PSMA8: variants seen among roughly 807,000 people sequenced by gnomAD.
The protein encoded by PSMA8 is proteasome subunit alpha-type 8.
A neutral mutation model predicts 32.4 loss-of-function variants in PSMA8; 18 were observed. The ratio of observed to expected loss-of-function variants is 0.56; its 90% CI spans 0.38 to 0.82. The LOEUF is 0.82. Ranked by LOEUF, PSMA8 falls within the 40% of genes least tolerant of loss-of-function variation. The probability of loss-of-function intolerance (pLI) is 0.00; values close to 1 mark genes in which losing one functional copy is unlikely to be tolerated. For synonymous variants in PSMA8, 104 were observed against 98.1 expected (o/e 1.06, Z -0.36); for missense variants, 298 against 300.7 (o/e 0.99, Z 0.07).
At chr18:26,136,674 T>C (rs533876623) in intron 1 of PSMA8, among the ~76,000 whole-genome samples, 1 of 152,348 alleles carries the variant, frequency 6.6e-6, no homozygotes, top group Admixed American at 6.5e-5. Flanking sequence ...TATTGTACAG[T>C]ATTTACTATT....
Position 26,184,823 on chromosome 18 carries a change from A to G in PSMA8, c.660+5693A>G, listed in dbSNP as rs576345741. 2.7e-5 allele frequency among the ~76,000 whole-genome samples: 4 copies of G among 148,232 alleles called. 1 individual carries two copies. The East Asian group carries it at 8.2e-4, about 30-fold the overall frequency. ...TTTTGGCAGCCGGGCACAGTGGCTC[A>G]TGCATGTAATCCCAGTACTTTGGGA... On this transcript the variant is annotated intron_variant, in intron 6 of 6. Coordinates refer to ENST00000415576, the MANE Select transcript of PSMA8 (RefSeq NM_001025096.2).
chr18:26,144,578 A>G lies in PSMA8; in HGVS notation c.122A>G (p.Asn41Ser), dbSNP rs1023979010. 7 of 1,613,370 alleles carry G rather than the reference A, an allele frequency of 4.3e-6. No homozygotes were observed. Among genetic ancestry groups the G allele is most frequent in the African/African-American group, 1.3e-5 (1 of 75,030 alleles). The change falls in exon 2 of 7, where the codon AAT (asparagine) becomes AGT (serine). Residue 41 changes from asparagine to serine, a missense_variant. Coordinates refer to ENST00000415576, the MANE Select transcript of PSMA8 (RefSeq NM_001025096.2). ...TGACAGGTCGGAATTCGAGGTACCA[A>G]TATAGTTGTTCTTGGGGTAGAAAAA... ...GSTAVGIRGT[N>S]IVVLGVEKKS...
intron 2 of PSMA8, among the ~76,000 whole-genome samples, chr18:26,150,249 G>T (rs2055034741): frequency 6.6e-6 from 1 of 152,126 alleles, no homozygotes; most frequent in African/African-American, 2.4e-5. Flanking sequence ...ATATTTCAGA[G>T]CACTTGACTG....
chr18:26,169,119 A>G (rs1266942325), intron 4 of PSMA8, among the ~76,000 whole-genome samples: 2 of 132,186 alleles, frequency 1.5e-5, no homozygotes, highest in Non-Finnish European at 3.0e-5. Flanking sequence ...GTAGATGGGA[A>G]TACAGGTGTG....
intron 6 of PSMA8, among the ~76,000 whole-genome samples, chr18:26,191,114 T>C (rs970740640): frequency 1.3e-5 from 2 of 152,214 alleles, no homozygotes; most frequent in Admixed American, 6.5e-5. Context: ...CTTTAATCTT[T>C]GGCCAAATAT....
At chr18:26,140,434 G>A (rs1386555514) in intron 1 of PSMA8, among the ~76,000 whole-genome samples, 1 of 152,240 alleles carries the variant, frequency 6.6e-6, no homozygotes, top group Non-Finnish European at 1.5e-5. Context: ...GACAGGTGAT[G>A]TGGATAATGT....
intron 1 of PSMA8, among the ~76,000 whole-genome samples, chr18:26,138,301 A>G (rs1194755669): frequency 6.6e-6 from 1 of 152,230 alleles, no homozygotes; most frequent in African/African-American, 2.4e-5. Flanking sequence ...AATCTAGCCA[A>G]TGATAAGTTC....
At chr18:26,192,285 G>A (rs1007284496) in intron 6 of PSMA8, 34 bp from the exon 7 acceptor site, 2 of 1,413,484 alleles carry the variant, frequency 1.4e-6, no homozygotes, top group South Asian at 1.6e-5. Context: ...TCGTATAACT[G>A]ACATTTGATC....
chr18:26,134,168 A>T, intron 1 of PSMA8, 101 bp downstream of exon 1: 1 of 793,556 alleles, frequency 1.3e-6, no homozygotes, highest in Non-Finnish European at 2.1e-6. Flanking sequence ...AGCTCAAGAG[A>T]GGAGATTCCC....
At chr18:26,139,333 C>A (rs1391872728) in intron 1 of PSMA8, among the ~76,000 whole-genome samples, 1 of 152,120 alleles carries the variant, frequency 6.6e-6, no homozygotes, top group Non-Finnish European at 1.5e-5. Flanking sequence ...CCCAGGGGAA[C>A]TGAATCTTGC....
At chr18:26,145,738 C>G (rs1392955953) in intron 2 of PSMA8, among the ~76,000 whole-genome samples, 1 of 152,068 alleles carries the variant, frequency 6.6e-6, no homozygotes, top group East Asian at 1.9e-4. Flanking sequence ...ATAAAGGCAC[C>G]AGTGGGTTTG....
chr18:26,149,314 A>C (rs4800245), intron 2 of PSMA8, among the ~76,000 whole-genome samples: 17,095 of 152,202 alleles, frequency 0.11, 1,539 homozygotes, highest in African/African-American at 0.23. Flanking sequence ...TGAAAAAGAC[A>C]CAAATGGAAA....
chr18:26,161,100 A>G (rs960985178), intron 4 of PSMA8, among the ~76,000 whole-genome samples: 4 of 152,162 alleles, frequency 2.6e-5, no homozygotes, highest in African/African-American at 9.7e-5. Flanking sequence ...AGGAGTCCAA[A>G]ATGGCCAAGT....
chr18:26,174,374 T>G (rs961695947), intron 4 of PSMA8, among the ~76,000 whole-genome samples: 1 of 152,220 alleles, frequency 6.6e-6, no homozygotes, highest in Non-Finnish European at 1.5e-5. Context: ...ATATAGCTTG[T>G]AGATTTGTAG....
chr18:26,186,007 C>T (rs565792433), intron 6 of PSMA8, among the ~76,000 whole-genome samples: 11 of 149,656 alleles, frequency 7.4e-5, no homozygotes, highest in Non-Finnish European at 1.3e-4. Flanking sequence ...TTTGGGAGAC[C>T]GAGTGGGTGG....
At position 26,144,639 on chromosome 18, in the gene PSMA8, G is replaced by C; in HGVS notation, c.183G>C (p.Val61=). 1.2e-6 allele frequency: 2 copies of C among 1,613,934 alleles called. No homozygotes were observed. Among genetic ancestry groups the C allele is most frequent in the South Asian group, 1.1e-5 (1 of 91,064 alleles). ...CCAAGCTTCAAGATGAAAGAACTGT[G>C]AGGAAAATTTGTGCCCTTGATGACC... ...SVAKLQDERT[V]RKICALDDHV... Residue 61 remains valine (V), a synonymous_variant, in exon 2 of 7, where the codon GTG becomes GTC. Transcript: ENST00000415576.
intron 1 of PSMA8, among the ~76,000 whole-genome samples, chr18:26,143,980 C>G (rs1373833006): frequency 6.6e-6 from 1 of 152,180 alleles, no homozygotes; most frequent in East Asian, 1.9e-4. Flanking sequence ...CCTCAGCCTC[C>G]CAAAGTGCTA....
intron 2 of PSMA8, 105 bp from the exon 3 acceptor site, chr18:26,151,753 A>G: frequency 3.8e-6 from 4 of 1,051,110 alleles, no homozygotes; most frequent in Non-Finnish European, 5.3e-6. Flanking sequence ...TGAGAAAAAA[A>G]GGATAAGAAA....
chr18:26,168,993 T>G (rs1184037678), intron 4 of PSMA8, among the ~76,000 whole-genome samples: 2 of 128,124 alleles, frequency 1.6e-5, no homozygotes, highest in Non-Finnish European at 3.0e-5. Context: ...GTTTTCAGAT[T>G]CCTTTTCGAG....
Sources: gnomAD v4.1 joint callset for allele counts (sites outside exome capture counted in the v4.1 genomes callset) on GRCh38, gnomAD v4.1.1 for gene constraint, MANE v1.5 for transcripts, NCBI Gene and HGNC (gene_info 2026-07-23, HGNC 2026-07-21) for gene names.